Variants in DOK5 observed in about 807,000 individuals in gnomAD.
The protein encoded by DOK5 is docking protein 5.
In DOK5, 27 loss-of-function variants were observed where a neutral mutation model predicts 43.3. The ratio of observed to expected loss-of-function variants is 0.62; its 90% confidence interval spans 0.46 to 0.86. The LOEUF (loss-of-function observed/expected upper bound fraction) is 0.86, where lower values mean the gene tolerates loss of function less well. Ranked by LOEUF, DOK5 falls within the 40% of genes least tolerant of loss-of-function variation. The pLI is 0.00. For missense variants in DOK5, 373 were observed against 392.9 expected, an observed-to-expected ratio of 0.95 and a Z score of 0.43; for synonymous variants, 146 against 140.1, an observed-to-expected ratio of 1.04 and a Z score of -0.30.
intron 1 of DOK5, among the ~76,000 whole-genome samples, chr20:54,552,746 C>G (rs999221346): frequency 1.3e-5 from 2 of 152,076 alleles, no homozygotes; most frequent in African/African-American, 4.8e-5. Flanking sequence ...TGGGATCAGA[C>G]ACATATCTTA....
chr20:54,580,805 A>G (rs907530314), intron 2 of DOK5, among the ~76,000 whole-genome samples: 7 of 152,068 alleles, frequency 4.6e-5, no homozygotes, highest in African/African-American at 1.4e-4. Flanking sequence ...TGGTTTGCAG[A>G]TATTTTTCTC....
chr20:54,601,780 T>C (rs551070913), intron 5 of DOK5, among the ~76,000 whole-genome samples: 1 of 152,328 alleles, frequency 6.6e-6, no homozygotes, highest in Non-Finnish European at 1.5e-5. Context: ...TCATAAGGTG[T>C]GCTAATCCTC....
chr20:54,502,237 T>C (rs181052496), intron 1 of DOK5, among the ~76,000 whole-genome samples: 68 of 152,356 alleles, frequency 4.5e-4, no homozygotes, highest in African/African-American at 1.6e-3. Context: ...TTACATTCAT[T>C]TGTGGATCCA....
At chr20:54,499,957 T>C (rs1227204202) in intron 1 of DOK5, among the ~76,000 whole-genome samples, 2 of 152,198 alleles carry the variant, frequency 1.3e-5, no homozygotes, top group African/African-American at 4.8e-5. Flanking sequence ...TGCATAGTCC[T>C]GTAGCCAATC....
At chr20:54,532,180 C>T (rs896883559) in intron 1 of DOK5, among the ~76,000 whole-genome samples, 9 of 152,098 alleles carry the variant, frequency 5.9e-5, no homozygotes, top group African/African-American at 1.9e-4. Context: ...AATGTAGTAA[C>T]TCATTTGACC....
chr20:54,643,708 C>T (rs1481125055), intron 7 of DOK5, 130 bp downstream of exon 7: 5 of 1,197,554 alleles, frequency 4.2e-6, no homozygotes, highest in Non-Finnish European at 4.6e-6. Context: ...GGACCCCCAT[C>T]AAGGCCTCAC....
chr20:54,644,187 C>G (rs1373243797), intron 7 of DOK5, among the ~76,000 whole-genome samples: 1 of 152,198 alleles, frequency 6.6e-6, no homozygotes. Flanking sequence ...TGACTTTAGG[C>G]AAATCCTAGT....
At chr20:54,570,453 C>T (rs1163436865) in intron 2 of DOK5, among the ~76,000 whole-genome samples, 3 of 152,122 alleles carry the variant, frequency 2.0e-5, no homozygotes, top group African/African-American at 7.2e-5. Flanking sequence ...TTGCAATTTG[C>T]ATATACAAAG....
intron 6 of DOK5, among the ~76,000 whole-genome samples, chr20:54,626,220 C>T (rs1254015448): frequency 6.6e-6 from 1 of 152,036 alleles, no homozygotes; most frequent in Non-Finnish European, 1.5e-5. Flanking sequence ...ATGAATGAGC[C>T]GAAGAACACC....
intron 1 of DOK5, among the ~76,000 whole-genome samples, chr20:54,489,767 A>T (rs1169051516): frequency 2.0e-5 from 3 of 151,886 alleles, no homozygotes; most frequent in Non-Finnish European, 2.9e-5. Flanking sequence ...GGGTAAATCC[A>T]TTTTTTTTCC....
intron 2 of DOK5, among the ~76,000 whole-genome samples, chr20:54,567,035 T>C (rs1444527488): frequency 6.6e-6 from 1 of 151,962 alleles, no homozygotes; most frequent in Non-Finnish European, 1.5e-5. Context: ...TTTTTACTAT[T>C]GAGTATTGGG....
At chr20:54,484,145 G>A (rs1450693237) in intron 1 of DOK5, among the ~76,000 whole-genome samples, 1 of 152,004 alleles carries the variant, frequency 6.6e-6, no homozygotes, top group East Asian at 1.9e-4. Context: ...TTGGGAGGCC[G>A]AGGCGGGTGG....
intron 5 of DOK5, among the ~76,000 whole-genome samples, chr20:54,600,578 TG>T (rs1425132245): frequency 6.6e-6 from 1 of 152,200 alleles, no homozygotes; most frequent in Non-Finnish European, 1.5e-5. Flanking sequence ...ATCTTCTCCC[TG>T]TGGAATCCAG....
intron 6 of DOK5, among the ~76,000 whole-genome samples, chr20:54,615,726 A>G (rs1218477686): frequency 2.0e-5 from 3 of 152,168 alleles, no homozygotes; most frequent in Non-Finnish European, 4.4e-5. Context: ...CCTGGCCAAC[A>G]TGGTGAAACC....
At chr20:54,576,882 T>A (rs1397073195) in intron 2 of DOK5, among the ~76,000 whole-genome samples, 1 of 152,238 alleles carries the variant, frequency 6.6e-6, no homozygotes, top group East Asian at 1.9e-4. Flanking sequence ...AAGATTTGCA[T>A]TCGTTTTTTC....
intron 1 of DOK5, among the ~76,000 whole-genome samples, chr20:54,507,948 G>T (rs1175110710): frequency 6.6e-6 from 1 of 152,194 alleles, no homozygotes; most frequent in African/African-American, 2.4e-5. Flanking sequence ...AAGAAGGGAA[G>T]TGATATGATT....
At chr20:54,613,898 G>A (rs1014354333) in intron 6 of DOK5, among the ~76,000 whole-genome samples, 123 of 152,046 alleles carry the variant, frequency 8.1e-4, no homozygotes, top group Middle Eastern at 3.4e-3. Flanking sequence ...GGAGGCTGAG[G>A]CAGGAGGATA....
At chr20:54,476,120 T>C (rs752731986) in intron 1 of DOK5, 108 bp downstream of exon 1, 111 of 1,560,828 alleles carry the variant, frequency 7.1e-5, no homozygotes, top group African/African-American at 2.0e-4. Context: ...CGCCGGAGAA[T>C]TGCGCGGTGG....
At chr20:54,542,698 T>C (rs1466488448) in intron 1 of DOK5, among the ~76,000 whole-genome samples, 2 of 152,176 alleles carry the variant, frequency 1.3e-5, no homozygotes, top group Non-Finnish European at 2.9e-5. Context: ...GAAAGAAGAA[T>C]GTAAAATGAA....
Sources: gnomAD v4.1 joint callset for allele counts (sites outside exome capture counted in the v4.1 genomes callset) on GRCh38, gnomAD v4.1.1 for gene constraint, MANE v1.5 for transcripts, NCBI Gene and HGNC (gene_info 2026-07-23, HGNC 2026-07-21) for gene names.